The following PTCH1 variants were observed in gnomAD, a reference collection of about 807,000 sequenced individuals.
PTCH1 encodes the protein protein patched homolog 1.
PTCH1 carries 14 observed loss-of-function variants against 144.6 expected under a neutral mutation model. The ratio of observed to expected loss-of-function variants is 0.10; its 90% CI spans 0.06 to 0.15. The LOEUF (loss-of-function observed/expected upper bound fraction) is 0.15. PTCH1 is among the 10% of genes least tolerant of loss of function. The pLI, the probability that PTCH1 is intolerant of heterozygous loss-of-function variation, is 1.00. For missense variants in PTCH1, 1,623 were observed against 1,948.3 expected, an observed-to-expected ratio of 0.83 and a Z score of 3.14; for synonymous variants, 833 against 793.6, an observed-to-expected ratio of 1.05 and a Z score of -0.83.
At chr9:95,497,248 T>C (rs942488069) in intron 2 of PTCH1, among the ~76,000 whole-genome samples, 2 of 152,192 alleles carry the variant, frequency 1.3e-5, no homozygotes, top group Admixed American at 6.5e-5. Context: ...TCTGGAAGGA[T>C]AGGTAATATT....
chr9:95,459,656 T>C lies in PTCH1; in HGVS notation c.2831A>G (p.His944Arg), dbSNP rs1322263418. 1.2e-6 allele frequency: 2 copies of C among 1,614,174 alleles called. No individual in the cohort carries two copies. Among genetic ancestry groups the C allele is most frequent in the South Asian group, 2.2e-5 (2 of 91,082 alleles). The change falls in exon 17 of 24, where the codon CAC becomes CGC. Residue 944 changes from histidine (H) to arginine (R), a missense_variant. Physicochemically the swap from His to Arg is conservative, Grantham distance 29. Coordinates refer to ENST00000331920, the MANE Select transcript of PTCH1 (RefSeq NM_000264.5). ...TTTGTCGTGGACCCATTCTGGTCGG[T>C]GTGGCCGGATGTTGGCCTGGGAGGC... Reference protein sequence around the residue: ...YAASQANIRPHRPEWVHDKAD... With the variant: ...YAASQANIRPRRPEWVHDKAD...
chr9:95,487,094 G>A (rs1297734900), intron 2 of PTCH1, among the ~76,000 whole-genome samples: 1 of 152,180 alleles, frequency 6.6e-6, no homozygotes, highest in Non-Finnish European at 1.5e-5. Flanking sequence ...TGGGAACAGC[G>A]GGTTGTTTAG....
chr9:95,479,908 G>C (rs1841389832), intron 7 of PTCH1, 61 bp downstream of exon 7: 1 of 1,612,586 alleles, frequency 6.2e-7, no homozygotes, highest in African/African-American at 1.3e-5. Flanking sequence ...CAGGAGGGAA[G>C]TGGCTTTTGA....
rs191560917 is a variant in PTCH1 at position 95,478,398 on chromosome 9, G to T, written c.1216-212C>A. 5.8e-4 allele frequency among the ~76,000 whole-genome samples: 89 copies of T among 152,296 alleles called. No homozygotes were observed. The East Asian group carries it at 0.017, about 29-fold the overall frequency. On this transcript the variant is annotated intron_variant, in intron 8 of 23. Transcript: ENST00000331920. ...AGGACAAGGGCCATGGCTAATCAGT[G>T]GCAGTGGGTGCTGCTGAGGGCTGGT...
chr9:95,451,309 A>G (rs976817893), intron 20 of PTCH1: 1 of 152,164 alleles, frequency 6.6e-6, no homozygotes, highest in Non-Finnish European at 1.5e-5. Flanking sequence ...GGCCAATTAG[A>G]TTTCTGACGG....
At chr9:95,477,451 GAGA>G (rs1296772591) in intron 10 of PTCH1, 93 bp downstream of exon 10, 1 of 1,529,324 alleles carries the variant, frequency 6.5e-7, no homozygotes, top group Non-Finnish European at 9.1e-7. Flanking sequence ...CCCTTCCGGT[GAGA>G]AGGACACACA....
At chr9:95,467,520 A>G (rs1840123649) in intron 14 of PTCH1, 95 bp from the exon 15 acceptor site, 2 of 1,249,410 alleles carry the variant, frequency 1.6e-6, no homozygotes, top group Non-Finnish European at 2.3e-6. Context: ...TGTTTTCACC[A>G]CCACACTTAA....
chr9:95,509,473 G>C (rs1213377311), upstream of PTCH1, among the ~76,000 whole-genome samples: 1 of 152,152 alleles, frequency 6.6e-6, no homozygotes, highest in Non-Finnish European at 1.5e-5. Context: ...CTCGGCTTCG[G>C]GGCAGCCTCT....
At chr9:95,447,519 A>C in intron 22 of PTCH1, 68 bp from the exon 23 acceptor site, 1 of 1,447,106 alleles carries the variant, frequency 6.9e-7, no homozygotes, top group South Asian at 1.4e-5. Flanking sequence ...CAGCTCCCAC[A>C]CTTCCCTCCT....
chr9:95,453,664 C>G, intron 19 of PTCH1, 44 bp from the exon 20 acceptor site: 2 of 1,610,066 alleles, frequency 1.2e-6, no homozygotes, highest in South Asian at 2.2e-5. Context: ...CTGGACTTCA[C>G]CTGGTAAATG....
Position 95,458,354 on chromosome 9 carries a change from T to G in PTCH1, c.2888-61A>C. ...GGGTAGAAGAGCATCACAGTTTCAA[T>G]GGAAAGAGAGAAGAACTTTGCATGA... On this transcript the variant is annotated intron_variant, in intron 17 of 23. Transcript: ENST00000331920. The surrounding 1 kb of genome is among the most constrained non-coding windows in gnomAD (Gnocchi z 4.7). The G allele has an allele frequency of 6.3e-7, 1 of 1,575,698 alleles. No individual in the cohort carries two copies. The highest frequency in any genetic ancestry group is 8.6e-7 in the Non-Finnish European group (1 of 1,157,648).
chr9:95,481,836 A>C, intron 5 of PTCH1, 113 bp downstream of exon 5: 1 of 1,005,972 alleles, frequency 9.9e-7, no homozygotes, highest in Non-Finnish European at 1.5e-6. Context: ...ATGGAATTTC[A>C]ATGTTTTTAT....
At chr9:95,471,684 T>G (rs1468969320) in intron 12 of PTCH1, among the ~76,000 whole-genome samples, 2 of 151,912 alleles carry the variant, frequency 1.3e-5, no homozygotes, top group African/African-American at 4.8e-5. Flanking sequence ...AGCAGCTCAG[T>G]GGGGTGGAGG....
chr9:95,447,591 G>T (rs1281897873), intron 22 of PTCH1, 140 bp from the exon 23 acceptor site: 1 of 880,960 alleles, frequency 1.1e-6, no homozygotes, highest in Non-Finnish European at 1.7e-6. Flanking sequence ...ACCCACAAAA[G>T]AAAAGCCTGT....
chr9:95,449,390 A>C lies in PTCH1; in HGVS notation c.3550-67T>G. 6.5e-6 allele frequency: 10 copies of C among 1,532,830 alleles called. No homozygotes were observed. Among genetic ancestry groups the C allele is most frequent in the Non-Finnish European group, 8.7e-6 (10 of 1,142,868 alleles). The allele number at this position is 1,532,830 out of a possible 1,614,324, so 95.0% of individuals were successfully genotyped here. The stretch of plus-strand genomic sequence containing the variant: ...TACCTGCTGGCCACACTCAAAGCTC[A>C]AAGCACGGTATTTTTCAGGGGCCTC... On this transcript the variant is annotated intron_variant, in intron 21 of 23. Transcript: ENST00000331920. The surrounding 1 kb of genome is among the most constrained non-coding windows in gnomAD (Gnocchi z 5.3).
intron 13 of PTCH1, 49 bp downstream of exon 13, chr9:95,469,764 A>C (rs2118085198): frequency 6.7e-7 from 1 of 1,502,816 alleles, no homozygotes; most frequent in East Asian, 2.3e-5. Flanking sequence ...GTTCTCTCAC[A>C]GCACCATTCT....
intron 14 of PTCH1, 80 bp from the exon 15 acceptor site, chr9:95,467,505 T>C: frequency 3.5e-6 from 5 of 1,429,588 alleles, no homozygotes; most frequent in South Asian, 1.2e-5. Flanking sequence ...GTCTAGTTAA[T>C]ACCTTGTTTT....
intron 13 of PTCH1, 186 bp from the exon 14 acceptor site, chr9:95,469,339 T>C: frequency 1.1e-6 from 1 of 921,866 alleles, no homozygotes; most frequent in Non-Finnish European, 1.7e-6. Context: ...CATCGCCTGG[T>C]GAACTAGATA....
Position 95,508,618 on chromosome 9 carries a change from G to A in PTCH1, c.-257C>T. 1 of 992,140 alleles carries A rather than the reference G, an allele frequency of 1.0e-6. No individual in the cohort carries two copies. Among genetic ancestry groups the A allele is most frequent in the Non-Finnish European group, 1.2e-6 (1 of 834,840 alleles). 61.5% of individuals were successfully genotyped at this position (992,140 alleles called of 1,614,324 possible). On this transcript the variant is annotated 5_prime_UTR_variant, in exon 1 of 24. Coordinates refer to ENST00000331920, the MANE Select transcript of PTCH1 (RefSeq NM_000264.5). ...GCGCCTTCCATTGCCACATTGCGCG[G>A]GGGTCCCGAGGTCTCTGCGGCCGCC...
Sources: gnomAD v4.1 joint callset for allele counts (sites outside exome capture counted in the v4.1 genomes callset) on GRCh38, gnomAD v4.1.1 for gene constraint, Gnocchi (gnomAD v3.1) non-coding constraint, MANE v1.5 for transcripts, NCBI Gene and HGNC (gene_info 2026-07-23, HGNC 2026-07-21) for gene names.